YLPM1: variants seen among roughly 807,000 people sequenced by gnomAD.
YLPM1 encodes the protein YLP motif-containing protein 1.
In YLPM1, 99 loss-of-function variants were observed where a neutral mutation model predicts 230.0. The ratio of observed to expected loss-of-function variants is 0.43; its 90% CI spans 0.37 to 0.51. The LOEUF is 0.51. Among genes scored for constraint, YLPM1 ranks in the 20% least tolerant of loss-of-function variants. The pLI, the probability that YLPM1 is intolerant of heterozygous loss-of-function variation, is 0.00. For missense variants in YLPM1, 2,592 were observed against 2,707.7 expected (o/e 0.96, Z 0.95); for synonymous variants, 984 against 942.5 (o/e 1.04, Z -0.81).
intron 4 of YLPM1, among the ~76,000 whole-genome samples, chr14:74,783,937 AGAGT>A (rs2091121200): frequency 6.6e-6 from 1 of 152,254 alleles, no homozygotes; most frequent in African/African-American, 2.4e-5. Flanking sequence ...ATTATTTAGC[AGAGT>A]GAGTAGAACC....
intron 1 of YLPM1, among the ~76,000 whole-genome samples, chr14:74,770,835 C>A (rs1566736692): frequency 6.6e-6 from 1 of 152,154 alleles, no homozygotes; most frequent in African/African-American, 2.4e-5. Context: ...TGAAAGCTCA[C>A]TCTGCTTGCA....
chr14:74,824,163 C>A, intron 17 of YLPM1, 93 bp from the exon 18 acceptor site: 1 of 1,220,704 alleles, frequency 8.2e-7, no homozygotes, highest in Non-Finnish European at 1.2e-6. Flanking sequence ...AAACTGAATC[C>A]ATTCCCAGTT....
intron 20 of YLPM1, 27 bp from the exon 21 acceptor site, chr14:74,835,748 T>C (rs1484332262): frequency 7.0e-6 from 3 of 429,136 alleles, no homozygotes; most frequent in Non-Finnish European, 1.4e-5. Flanking sequence ...TCTTTCCAGG[T>C]GTGACAGCCT....
At chr14:74,770,470 A>G (rs995748869) in intron 1 of YLPM1, among the ~76,000 whole-genome samples, 2 of 151,974 alleles carry the variant, frequency 1.3e-5, no homozygotes, top group African/African-American at 4.8e-5. Context: ...CTACAAATAC[A>G]AAAAATTAGC....
rs1442073561 is a variant in YLPM1 at position 74,798,771 on chromosome 14, A to C, written c.3474A>C (p.Gly1158=). 2 of 1,613,728 alleles carry C rather than the reference A, an allele frequency of 1.2e-6. No individual in the cohort carries two copies. The highest frequency in any genetic ancestry group is 8.5e-7 in the Non-Finnish European group (1 of 1,179,834). ...CTGGCAGTCGAGAAAGGGGACTGGG[A>C]AGATCAGATTTTGGTCGTGATAGAG... ...RGPGSRERGL[G]RSDFGRDRGP... The change falls in exon 5 of 21, where the codon GGA becomes GGC. Residue 1158 remains glycine, a synonymous_variant. Coordinates refer to ENST00000325680, the MANE Select transcript of YLPM1 (RefSeq NM_019589.3).
chr14:74,786,809 A>G (rs2091154935), intron 4 of YLPM1, among the ~76,000 whole-genome samples: 1 of 152,180 alleles, frequency 6.6e-6, no homozygotes, highest in Admixed American at 6.5e-5. Context: ...TTGTTTGGAT[A>G]TCTATTAAGG....
chr14:74,776,948 C>T (rs1049181532), intron 1 of YLPM1, among the ~76,000 whole-genome samples: 3 of 151,802 alleles, frequency 2.0e-5, no homozygotes, highest in African/African-American at 4.8e-5. Flanking sequence ...CCCAGTTACT[C>T]GGGAGGTTGA....
At chr14:74,822,039 G>A (rs1386020632) in intron 17 of YLPM1, 3 of 152,118 alleles carry the variant, frequency 2.0e-5, no homozygotes, top group Non-Finnish European at 4.4e-5. Flanking sequence ...GATAAAAACT[G>A]TGTTTATATA....
In YLPM1 at chr14:74,812,614, T is replaced by G. The variant is rs750655908; in HGVS notation, c.5348-14T>G. The G allele has an allele frequency of 1.2e-6, 2 of 1,604,346 alleles. No homozygotes were observed. Among genetic ancestry groups the G allele is most frequent in the Non-Finnish European group, 1.7e-6 (2 of 1,175,954 alleles). On this transcript the variant is annotated splice_polypyrimidine_tract_variant and intron_variant, in intron 10 of 20. Coordinates refer to ENST00000325680, the MANE Select transcript of YLPM1 (RefSeq NM_019589.3). Reference sequence around the variant, plus strand: ...TCTACAAATAGTAATTTTGTTCAACTGCTGGAATCCTAGGAGAACGAAGGA... The same window carrying G: ...TCTACAAATAGTAATTTTGTTCAACGGCTGGAATCCTAGGAGAACGAAGGA...
chr14:74,810,566 T>C (rs2091424826), intron 9 of YLPM1, 146 bp downstream of exon 9: 1 of 811,444 alleles, frequency 1.2e-6, no homozygotes, highest in Non-Finnish European at 1.9e-6. Flanking sequence ...GGACCAGTTT[T>C]CAGGAAAGTA....
At chr14:74,810,442 G>T (rs781425733) in intron 9 of YLPM1, 22 bp downstream of exon 9, 2 of 1,609,920 alleles carry the variant, frequency 1.2e-6, no homozygotes, top group Non-Finnish European at 1.7e-6. Flanking sequence ...AACAATCTTT[G>T]CTAGGTGTAC....
intron 4 of YLPM1, 106 bp from the exon 5 acceptor site, chr14:74,797,474 T>TTGTTGTAA (rs1284415448): frequency 1.0e-6 from 1 of 952,522 alleles, no homozygotes. Context: ...AAAAGAGTCA[T>TTGTTGTAA]TGTTGTAAAC....
In YLPM1 at chr14:74,809,675, C is replaced by T. The variant is rs1026783568; in HGVS notation, c.4817C>T (p.Pro1606Leu). The T allele has an allele frequency of 1.2e-6, 2 of 1,613,926 alleles. No homozygotes were observed. The highest frequency in any genetic ancestry group is 1.1e-5 in the South Asian group (1 of 91,086). The change falls in exon 7 of 21, where the codon CCA becomes CTA. Residue 1606 changes from proline (P) to leucine (L), a missense_variant. Around this residue, in one of 4 missense-constraint regions of YLPM1, gnomAD observed 403 missense variants for 426.7 expected, o/e 0.94. Transcript: ENST00000325680. The part of the protein sequence containing the change: ...KSETAAIPSA[P>L]VLPPPPVHSS... ...GAAACTGCAGCAATTCCATCTGCTCCAGTATTACCACCCCCACCTGTTCAC... is the reference window on the plus strand; with the variant it reads ...GAAACTGCAGCAATTCCATCTGCTCTAGTATTACCACCCCCACCTGTTCAC...
At chr14:74,773,299 AAG>A (rs1177548189) in intron 1 of YLPM1, among the ~76,000 whole-genome samples, 2 of 152,222 alleles carry the variant, frequency 1.3e-5, no homozygotes, top group African/African-American at 4.8e-5. Flanking sequence ...AGAAAAAAAA[AAG>A]AGAAATTGAC....
Position 74,780,431 on chromosome 14 carries a change from G to T in YLPM1, c.1137G>T (p.Arg379Ser). 6.2e-7 allele frequency: 1 copy of T among 1,613,618 alleles called. No individual in the cohort carries two copies. The highest frequency in any genetic ancestry group is 8.5e-7 in the Non-Finnish European group (1 of 1,179,680). The part of the protein sequence containing the change: ...PQSEDPEEDA[R>S]LKQLQAAAAH... ...CTGAGGACCCAGAAGAAGATGCCAG[G>T]TTAAAGCAGTTGCAGGCTGCAGCAG... Residue 379 changes from arginine to serine, a missense_variant, in exon 3 of 21, where the codon AGG becomes AGT. By Grantham distance (110) the Arg-to-Ser change is moderately radical (BLOSUM62 -1). Coordinates refer to ENST00000325680, the MANE Select transcript of YLPM1 (RefSeq NM_019589.3).
At chr14:74,777,444 G>A (rs1404770741) in intron 1 of YLPM1, among the ~76,000 whole-genome samples, 1 of 151,766 alleles carries the variant, frequency 6.6e-6, no homozygotes, top group Non-Finnish European at 1.5e-5. Flanking sequence ...GTGGGTGCCT[G>A]TAATCCCAGC....
In YLPM1 at chr14:74,801,054, T is replaced by G. The variant is rs576560273; in HGVS notation, c.4400+1357T>G. On this transcript the variant is annotated intron_variant, in intron 5 of 20. Coordinates refer to ENST00000325680, the MANE Select transcript of YLPM1 (RefSeq NM_019589.3). ...TATTTATGGAGAATACCAAGCTGAT[T>G]GGTGTTGTTAAGCTGCCAAGGTTTC... Among the ~76,000 whole-genome samples the G allele has an allele frequency of 2.0e-5, 3 of 152,364 alleles. No individual in the cohort carries two copies. The South Asian group carries it at 6.2e-4, about 32-fold the overall frequency.
chr14:74,810,463 A>G, intron 9 of YLPM1, 43 bp downstream of exon 9: 2 of 1,549,008 alleles, frequency 1.3e-6, no homozygotes, highest in East Asian at 2.3e-5. Context: ...AAATTACTGT[A>G]TACTTAACAG....
chr14:74,818,301 C>G lies in YLPM1; in HGVS notation c.6017C>G (p.Ala2006Gly). The G allele has an allele frequency of 6.2e-7, 1 of 1,600,742 alleles. No homozygotes were observed. The highest frequency in any genetic ancestry group is 8.5e-7 in the Non-Finnish European group (1 of 1,173,598). Residue 2006 changes from alanine (A) to glycine (G), a missense_variant, in exon 16 of 21, where the codon GCT becomes GGT. By Grantham distance (60) the Ala-to-Gly change is moderately conservative. Around this residue, in one of 4 missense-constraint regions of YLPM1, gnomAD observed 315 missense variants for 429.3 expected, o/e 0.73. Transcript: ENST00000325680. ...GATATTCGTTCTTTGCTGCAAGATG[C>G]TGCTATTGAAGAGGTGAGTATCCTT... ...RLDIRSLLQD[A>G]AIEEVEMEDF...
Sources: gnomAD v4.1 joint callset for allele counts (sites outside exome capture counted in the v4.1 genomes callset) on GRCh38, gnomAD v4.1.1 for gene constraint, gnomAD v4.1.1 regional missense constraint, MANE v1.5 for transcripts, NCBI Gene and HGNC (gene_info 2026-07-23, HGNC 2026-07-21) for gene names.